Variants in CARS2 observed in about 807,000 individuals in gnomAD.
The protein encoded by CARS2 is cysteinyl-tRNA synthetase 2, mitochondrial, also known as probable cysteine--tRNA ligase, mitochondrial.
Under a neutral mutation model 68.8 loss-of-function variants are expected in CARS2, and 52 were observed. The observed-to-expected ratio is 0.76, with a 90% CI of 0.61 to 0.95. CARS2 has a LOEUF of 0.95. Ranked by LOEUF, CARS2 falls within the 40% of genes least tolerant of loss-of-function variation. CARS2 has a pLI of 0.00. For synonymous variants in CARS2, 314 were observed against 303.6 expected, an observed-to-expected ratio of 1.03 and a Z score of -0.36; for missense variants, 780 against 754.2, an observed-to-expected ratio of 1.03 and a Z score of -0.40.
rs1566657957 is a variant in CARS2 at position 110,653,194 on chromosome 13, GGGGTA to G, written c.988-2099_988-2095del. Among the ~76,000 whole-genome samples the G allele has an allele frequency of 1.5e-5, 2 of 130,130 alleles. No homozygotes were observed. Among genetic ancestry groups the G allele is most frequent in the African/African-American group, 6.7e-5 (2 of 30,024 alleles). The allele number at this position is 130,130 out of a possible 152,430, so 85.4% of individuals were successfully genotyped here. On this transcript the variant is annotated intron_variant, in intron 9 of 14. Coordinates refer to ENST00000257347, the MANE Select transcript of CARS2 (RefSeq NM_024537.4). This position sits in a 1 kb window ranked among gnomAD's most constrained non-coding sequence, Gnocchi z 5.6. ...GGGGCCTGGGGTGGGGAGGGGGGCT[GGGGTA>G]TGTGTGTGTGTGTGTTTGTGTGTGT...
intron 3 of CARS2, among the ~76,000 whole-genome samples, chr13:110,699,540 A>C (rs2063722250): frequency 6.6e-6 from 1 of 152,244 alleles, no homozygotes; most frequent in Non-Finnish European, 1.5e-5. Flanking sequence ...AAATTCCTTC[A>C]TCAGATTCAG....
At chr13:110,704,409 G>A (rs570134765) in intron 2 of CARS2, among the ~76,000 whole-genome samples, 25 of 152,314 alleles carry the variant, frequency 1.6e-4, no homozygotes, top group Admixed American at 9.1e-4. Flanking sequence ...CCAAAGTAAA[G>A]GGGAAAAATG....
chr13:110,693,808 C>T (rs566567961), intron 3 of CARS2, among the ~76,000 whole-genome samples: 50 of 152,130 alleles, frequency 3.3e-4, no homozygotes, highest in Non-Finnish European at 7.1e-4. Context: ...AGTCCTATTT[C>T]GGATTCTCTC....
intron 8 of CARS2, 175 bp from the exon 9 acceptor site, chr13:110,663,693 AC>A: frequency 7.2e-7 from 1 of 1,398,146 alleles, no homozygotes; most frequent in Non-Finnish European, 9.2e-7. Flanking sequence ...TTCCGGGAAG[AC>A]AGGACCTGCC....
intron 12 of CARS2, chr13:110,644,882 A>G (rs1887882615): frequency 5.6e-6 from 1 of 179,966 alleles, no homozygotes; most frequent in Non-Finnish European, 1.2e-5. Flanking sequence ...CTTGGGTGAC[A>G]CTAGCCTTAG....
At chr13:110,666,227 T>C in intron 8 of CARS2, 1 of 985,414 alleles carries the variant, frequency 1.0e-6, no homozygotes, top group South Asian at 4.7e-5. Context: ...CCTTCCCATG[T>C]GAGCGCCAGC....
intron 10 of CARS2, among the ~76,000 whole-genome samples, chr13:110,649,931 C>CTTTTTT (rs59276783): frequency 5.5e-5 from 4 of 73,144 alleles, no homozygotes; most frequent in African/African-American, 1.6e-4. Context: ...TGGATAACGA[C>CTTTTTT]TTTTTTTTTT....
intron 8 of CARS2, 190 bp from the exon 9 acceptor site, chr13:110,663,708 G>A: frequency 7.2e-7 from 1 of 1,386,888 alleles, no homozygotes. Context: ...ACCTGCCCTT[G>A]TTCCACGGTG....
chr13:110,667,712 T>G (rs945698382), intron 7 of CARS2, among the ~76,000 whole-genome samples: 3 of 152,250 alleles, frequency 2.0e-5, no homozygotes, highest in Admixed American at 6.5e-5. Flanking sequence ...CTCCAGGTTC[T>G]TTTTTTCTCT....
Position 110,646,074 on chromosome 13 carries a change from T to C in CARS2, c.1210A>G (p.Arg404Gly). The C allele has an allele frequency of 6.2e-7, 1 of 1,613,638 alleles. No homozygotes were observed. Among genetic ancestry groups the C allele is most frequent in the Non-Finnish European group, 8.5e-7 (1 of 1,179,902 alleles). ...TCTGCCAAGGCCGCCTTCACGGCCCTCTTGGTGCTGGAGAGCCTGAGGGAA... is the reference window on the plus strand; with the variant it reads ...TCTGCCAAGGCCGCCTTCACGGCCCCCTTGGTGCTGGAGAGCCTGAGGGAA... ...MLWERLSSTKRAVKAALADDF... is the reference protein window; with the variant it reads ...MLWERLSSTKGAVKAALADDF... Residue 404 changes from arginine to glycine, a missense_variant, in exon 12 of 15, where the codon AGG (arginine) becomes GGG (glycine). Physicochemically the swap from Arg to Gly is moderately radical, Grantham distance 125. Coordinates refer to ENST00000257347, the MANE Select transcript of CARS2 (RefSeq NM_024537.4).
chr13:110,672,068 G>C (rs1010494900), intron 7 of CARS2, among the ~76,000 whole-genome samples: 1 of 152,142 alleles, frequency 6.6e-6, no homozygotes, highest in Admixed American at 6.5e-5. Context: ...CATAAAGCAA[G>C]TCCTTAGAGA....
At chr13:110,704,365 G>T (rs988133612) in intron 2 of CARS2, among the ~76,000 whole-genome samples, 1 of 152,150 alleles carries the variant, frequency 6.6e-6, no homozygotes, top group African/African-American at 2.4e-5. Flanking sequence ...GAAAGATGTC[G>T]AAATATGCTT....
chr13:110,674,511 T>C (rs1445827910), intron 7 of CARS2, among the ~76,000 whole-genome samples: 1 of 152,070 alleles, frequency 6.6e-6, no homozygotes, highest in Non-Finnish European at 1.5e-5. Context: ...TAGCTAGCCA[T>C]ATGTAGAAAG....
At chr13:110,659,134 T>G (rs948379596) in intron 9 of CARS2, among the ~76,000 whole-genome samples, 1 of 151,950 alleles carries the variant, frequency 6.6e-6, no homozygotes, top group African/African-American at 2.4e-5. Flanking sequence ...GCATACATGC[T>G]CACACAAATG....
At chr13:110,695,789 A>T (rs55938434) in intron 3 of CARS2, among the ~76,000 whole-genome samples, 17,143 of 148,786 alleles carry the variant, frequency 0.12, 1,368 homozygotes, top group African/African-American at 0.22. Context: ...TTTTTTTTTT[A>T]AATTATACTT....
chr13:110,672,281 C>T (rs533524655), intron 7 of CARS2, among the ~76,000 whole-genome samples: 40 of 152,312 alleles, frequency 2.6e-4, no homozygotes, highest in Non-Finnish European at 3.8e-4. Context: ...AGCACCACAT[C>T]GCACTTATTC....
At chr13:110,700,908 T>A (rs1314405877) in intron 3 of CARS2, among the ~76,000 whole-genome samples, 1 of 152,170 alleles carries the variant, frequency 6.6e-6, no homozygotes, top group Non-Finnish European at 1.5e-5. Flanking sequence ...AGAAAAGCCT[T>A]CAGCGATCAC....
At chr13:110,643,034 G>A (rs1887614946) in intron 13 of CARS2, 4 of 333,926 alleles carry the variant, frequency 1.2e-5, no homozygotes, top group Non-Finnish European at 2.4e-5. Context: ...AGGGGCAGCT[G>A]TACCTATTTG....
intron 12 of CARS2, chr13:110,645,710 C>T: frequency 2.3e-6 from 1 of 440,792 alleles, no homozygotes; most frequent in South Asian, 3.8e-5. Context: ...GAGGATCAAG[C>T]ACACAGAATT....
Sources: gnomAD v4.1 joint callset for allele counts (sites outside exome capture counted in the v4.1 genomes callset) on GRCh38, gnomAD v4.1.1 for gene constraint, Gnocchi (gnomAD v3.1) non-coding constraint, MANE v1.5 for transcripts, NCBI Gene and HGNC (gene_info 2026-07-23, HGNC 2026-07-21) for gene names.